The following SKAP2 variants were observed in gnomAD, a reference collection of about 807,000 sequenced individuals.
The protein encoded by SKAP2 is src kinase-associated phosphoprotein 2.
SKAP2 carries 28 observed loss-of-function variants against 54.9 expected under a neutral mutation model. The observed-to-expected ratio is 0.51, with a 90% CI of 0.38 to 0.70. The LOEUF (loss-of-function observed/expected upper bound fraction) is 0.70. Among genes scored for constraint, SKAP2 ranks in the 30% least tolerant of loss-of-function variants. The pLI, the probability that SKAP2 is intolerant of heterozygous loss-of-function variation, is 0.00. For synonymous variants in SKAP2, 137 were observed against 134.3 expected, an observed-to-expected ratio of 1.02 and a Z score of -0.14; for missense variants, 356 against 424.1, an observed-to-expected ratio of 0.84 and a Z score of 1.41.
chr7:26,783,506 T>C (rs1370995430), intron 4 of SKAP2, among the ~76,000 whole-genome samples: 1 of 151,932 alleles, frequency 6.6e-6, no homozygotes, highest in Non-Finnish European at 1.5e-5. Context: ...TCTCCCACCC[T>C]TTCTTATTTA....
intron 4 of SKAP2, among the ~76,000 whole-genome samples, chr7:26,826,360 C>T (rs1033520518): frequency 6.6e-5 from 10 of 152,164 alleles, no homozygotes; most frequent in Non-Finnish European, 1.3e-4. Flanking sequence ...ATACTCATTA[C>T]AGTTTGAACA....
In SKAP2 at chr7:26,712,714, G is replaced by A. The variant is rs958163875; in HGVS notation, c.796+12714C>T. ...TTAAATAATACTTAGGAAAGTACCT[G>A]GCATATGCTAAGTGTTAACCATTAT... On this transcript the variant is annotated intron_variant, in intron 9 of 12. Transcript: ENST00000345317. 3.3e-5 allele frequency among the ~76,000 whole-genome samples: 5 copies of A among 152,102 alleles called. No homozygotes were observed. The East Asian group carries it at 7.7e-4, about 23-fold the overall frequency.
intron 4 of SKAP2, among the ~76,000 whole-genome samples, chr7:26,789,123 T>A (rs1343890841): frequency 2.0e-5 from 3 of 152,214 alleles, no homozygotes; most frequent in Non-Finnish European, 4.4e-5. Flanking sequence ...TTATTAAAGT[T>A]TAATTTGGAA....
At chr7:26,682,688 C>T (rs1354331602) in intron 11 of SKAP2, among the ~76,000 whole-genome samples, 1 of 152,176 alleles carries the variant, frequency 6.6e-6, no homozygotes, top group African/African-American at 2.4e-5. Context: ...TCGATCAGCT[C>T]TCTCCCAAAT....
intron 4 of SKAP2, chr7:26,746,740 T>C (rs1283493956): frequency 1.3e-5 from 2 of 151,838 alleles, no homozygotes; most frequent in African/African-American, 2.4e-5. Context: ...CAGGACTTCA[T>C]GAAATATATC....
chr7:26,687,633 G>A (rs759227770), intron 10 of SKAP2, among the ~76,000 whole-genome samples: 13 of 152,096 alleles, frequency 8.5e-5, no homozygotes, highest in Non-Finnish European at 1.5e-4. Flanking sequence ...AAATCAGGAA[G>A]AGTCTTGTTC....
intron 4 of SKAP2, among the ~76,000 whole-genome samples, chr7:26,819,268 G>A (rs553375065): frequency 6.6e-6 from 1 of 152,212 alleles, no homozygotes; most frequent in Non-Finnish European, 1.5e-5. Flanking sequence ...CATGTCCTTT[G>A]CACGGACATG....
chr7:26,764,144 GATTCTTTCCC>G (rs1782993339), intron 4 of SKAP2, among the ~76,000 whole-genome samples: 1 of 152,144 alleles, frequency 6.6e-6, no homozygotes, highest in Non-Finnish European at 1.5e-5. Context: ...AGAAATAGGT[GATTCTTTCCC>G]AGGTAGTCTG....
downstream of SKAP2, among the ~76,000 whole-genome samples, chr7:26,664,908 C>T (rs1043209294): frequency 7.9e-5 from 12 of 152,256 alleles, no homozygotes; most frequent in African/African-American, 2.9e-4. Context: ...AAGACCTAAA[C>T]TGAGCAGTGG....
rs773478109 is a variant in SKAP2 at position 26,684,751 on chromosome 7, A to T, written c.972T>A (p.Ile324=). ...ATCTTCTTACCTTGCTAAGAATGTAAATCACATCACCACGCTTAAATGACA... is the reference window on the plus strand; with the variant it reads ...ATCTTCTTACCTTGCTAAGAATGTATATCACATCACCACGCTTAAATGACA... ...DELSFKRGDV[I]YILSKEYNRY... Residue 324 remains isoleucine (I), a synonymous_variant, in exon 11 of 13, where the codon ATT becomes ATA. Coordinates refer to ENST00000345317, the MANE Select transcript of SKAP2 (RefSeq NM_003930.5). The T allele has an allele frequency of 1.2e-6, 2 of 1,608,322 alleles. No individual in the cohort carries two copies. The highest frequency in any genetic ancestry group is 1.7e-6 in the Non-Finnish European group (2 of 1,175,062).
At chr7:26,817,682 T>A (rs1203900857) in intron 4 of SKAP2, among the ~76,000 whole-genome samples, 1 of 152,188 alleles carries the variant, frequency 6.6e-6, no homozygotes, top group Non-Finnish European at 1.5e-5. Flanking sequence ...ATTGTATATT[T>A]AGAAAACCCC....
intron 4 of SKAP2, among the ~76,000 whole-genome samples, chr7:26,773,139 A>G (rs1783225194): frequency 2.0e-5 from 3 of 152,228 alleles, no homozygotes; most frequent in Non-Finnish European, 4.4e-5. Flanking sequence ...CAGGCATGTA[A>G]TTATGTAGGT....
At chr7:26,801,710 A>G (rs1783918873) in intron 4 of SKAP2, among the ~76,000 whole-genome samples, 1 of 152,250 alleles carries the variant, frequency 6.6e-6, no homozygotes, top group African/African-American at 2.4e-5. Context: ...CTATATGTCA[A>G]CAGTGAACAA....
At chr7:26,697,823 T>G (rs914804018) in intron 9 of SKAP2, among the ~76,000 whole-genome samples, 3 of 152,320 alleles carry the variant, frequency 2.0e-5, no homozygotes, top group African/African-American at 4.8e-5. Context: ...GCTACTGGTT[T>G]TTCTTAATTC....
intron 4 of SKAP2, among the ~76,000 whole-genome samples, chr7:26,796,656 T>C (rs1227214480): frequency 6.6e-6 from 1 of 152,260 alleles, no homozygotes; most frequent in African/African-American, 2.4e-5. Context: ...TATCAACTTG[T>C]GGCACCAATA....
At chr7:26,823,974 T>C (rs1443465345) in intron 4 of SKAP2, among the ~76,000 whole-genome samples, 1 of 152,188 alleles carries the variant, frequency 6.6e-6, no homozygotes, top group African/African-American at 2.4e-5. Context: ...TATAACATAA[T>C]CGTAGTTGAT....
At chr7:26,831,815 C>T (rs1311643312) in intron 4 of SKAP2, among the ~76,000 whole-genome samples, 4 of 151,846 alleles carry the variant, frequency 2.6e-5, no homozygotes, top group Non-Finnish European at 5.9e-5. Flanking sequence ...ATGTCCTATC[C>T]CATACCTTAG....
chr7:26,793,520 T>A (rs1281878012), intron 4 of SKAP2, among the ~76,000 whole-genome samples: 3 of 152,178 alleles, frequency 2.0e-5, no homozygotes, highest in African/African-American at 7.2e-5. Context: ...TTTTAAAATT[T>A]TTTTCTATTA....
chr7:26,738,771 GA>G, intron 6 of SKAP2, 23 bp downstream of exon 6: 1 of 1,372,508 alleles, frequency 7.3e-7, no homozygotes, highest in African/African-American at 1.4e-5. Context: ...AATAGTAGTT[GA>G]TATAATTGAA....
Sources: allele counts gnomAD v4.1 joint callset (sites outside exome capture counted in the v4.1 genomes callset), GRCh38; gene constraint gnomAD v4.1.1; transcripts MANE v1.5; gene names NCBI Gene and HGNC (gene_info 2026-07-23, HGNC 2026-07-21).